The following DOCK3 variants were observed in gnomAD, a reference collection of about 807,000 sequenced individuals.
DOCK3 encodes the protein dedicator of cytokinesis protein 3.
Under a neutral mutation model 265.6 loss-of-function variants are expected in DOCK3, and 60 were observed. The ratio of observed to expected loss-of-function variants is 0.23; its 90% confidence interval spans 0.18 to 0.28. The LOEUF (loss-of-function observed/expected upper bound fraction) is 0.28, where lower values mean the gene tolerates loss of function less well. Ranked by LOEUF, DOCK3 falls within the 10% of genes least tolerant of loss-of-function variation. The pLI is 1.00. For missense variants in DOCK3, 1,981 were observed against 2,594.3 expected (o/e 0.76, Z 5.14); for synonymous variants, 881 against 938.0 (o/e 0.94, Z 1.11).
At position 50,729,322 on chromosome 3, in the gene DOCK3, C is replaced by CA. The variant is rs1271946003; in HGVS notation, c.38-49340dup. Among the ~76,000 whole-genome samples the CA allele has an allele frequency of 7.9e-3, 1,001 of 126,930 alleles. 7 individuals are homozygous for CA. The highest frequency in any genetic ancestry group is 0.023 in the African/African-American group (786 of 34,384). The allele number at this position is 126,930 out of a possible 152,430, so 83.3% of individuals were successfully genotyped here. A position where few individuals can be genotyped will look rare whatever the true frequency, so the allele number is the denominator to read the frequency against. ...AGGCAAAATAGCAAGGACCTGTCTCCAAAAAAAAAAAAAGTTGTTTATTTT... is the reference window on the plus strand; with the variant it reads ...AGGCAAAATAGCAAGGACCTGTCTCCAAAAAAAAAAAAAAGTTGTTTATTTT... On this transcript the variant is annotated intron_variant, in intron 1 of 52. Coordinates refer to ENST00000266037, the MANE Select transcript of DOCK3 (RefSeq NM_004947.5).
In DOCK3 at chr3:51,199,976, G is replaced by A. The variant is rs540478484; in HGVS notation, c.1038-8798G>A. Reference sequence around the variant, plus strand: ...CAACAGACCTGCAGCTGAGGGTCCCGTCTGTTAGAAGGAAAACTAACAAAC... The same window carrying A: ...CAACAGACCTGCAGCTGAGGGTCCCATCTGTTAGAAGGAAAACTAACAAAC... On this transcript the variant is annotated intron_variant, in intron 12 of 52. Transcript: ENST00000266037. Among the ~76,000 whole-genome samples, 194 of 152,246 alleles carry A rather than the reference G, an allele frequency of 1.3e-3. 1 individual carries two copies. The highest frequency in any genetic ancestry group is 3.5e-3 in the East Asian group (18 of 5,170).
chr3:50,966,694 A>C (rs1045202125), intron 5 of DOCK3, among the ~76,000 whole-genome samples: 3 of 152,128 alleles, frequency 2.0e-5, no homozygotes, highest in African/African-American at 7.2e-5. Flanking sequence ...AGTTTGAGGC[A>C]GGAGAATTGC....
chr3:51,107,243 G>T (rs1317266753), intron 9 of DOCK3, among the ~76,000 whole-genome samples: 2 of 152,096 alleles, frequency 1.3e-5, no homozygotes, highest in Non-Finnish European at 2.9e-5. Flanking sequence ...AGGAATATTA[G>T]CCCACAAAGA....
intron 5 of DOCK3, among the ~76,000 whole-genome samples, chr3:51,026,239 GT>G (rs1025505699): frequency 5.3e-5 from 8 of 151,084 alleles, no homozygotes; most frequent in Admixed American, 1.3e-4. Context: ...ATGGTCATAT[GT>G]TTTTTTTTGT....
intron 14 of DOCK3, among the ~76,000 whole-genome samples, chr3:51,217,888 C>A (rs1560226833): frequency 2.0e-5 from 3 of 152,046 alleles, no homozygotes; most frequent in Admixed American, 6.5e-5. Flanking sequence ...GAGGCCAAGG[C>A]AGGCAGATCA....
intron 5 of DOCK3, among the ~76,000 whole-genome samples, chr3:50,975,375 C>T (rs1575654905): frequency 6.6e-6 from 1 of 150,424 alleles, no homozygotes; most frequent in Non-Finnish European, 1.5e-5. Context: ...TGTCAAAGGC[C>T]TTTTCCGCAT....
intron 50 of DOCK3, among the ~76,000 whole-genome samples, chr3:51,375,487 C>T (rs2088034460): frequency 6.6e-6 from 1 of 152,194 alleles, no homozygotes; most frequent in Non-Finnish European, 1.5e-5. Context: ...TTGGGCCCTA[C>T]ATAAGACAGC....
At position 50,840,077 on chromosome 3, in the gene DOCK3, T is replaced by A. The variant is rs1009292717; in HGVS notation, c.122-1598T>A. ...CCACTGTGCCTGGCCGGGCTGTTTA[T>A]TTTCTTATTGAGTTTTAAGAGTTCT... On this transcript the variant is annotated intron_variant, in intron 2 of 52. Coordinates refer to ENST00000266037, the MANE Select transcript of DOCK3 (RefSeq NM_004947.5). Among the ~76,000 whole-genome samples the A allele has an allele frequency of 6.6e-5, 10 of 152,014 alleles. No homozygotes were observed. In the East Asian group the frequency reaches 1.7e-3, roughly 26 times the overall value.
At chr3:50,928,608 G>A (rs73081144) in intron 4 of DOCK3, among the ~76,000 whole-genome samples, 14,361 of 152,088 alleles carry the variant, frequency 0.094, 842 homozygotes, top group Non-Finnish European at 0.12. Flanking sequence ...TGATTCTATT[G>A]CATATTATTG....
At chr3:51,096,772 G>A (rs545545775) in intron 9 of DOCK3, among the ~76,000 whole-genome samples, 24 of 152,272 alleles carry the variant, frequency 1.6e-4, no homozygotes, top group East Asian at 3.9e-4. Context: ...CCTCATCTTC[G>A]TGGATTTATC....
chr3:51,153,158 G>C (rs953351957), intron 10 of DOCK3, among the ~76,000 whole-genome samples: 2 of 152,242 alleles, frequency 1.3e-5, no homozygotes, highest in Non-Finnish European at 2.9e-5. Flanking sequence ...GGCTCTGCCC[G>C]TTGGAGCTTC....
chr3:51,282,784 A>C (rs1336444798), intron 27 of DOCK3, among the ~76,000 whole-genome samples: 1 of 152,186 alleles, frequency 6.6e-6, no homozygotes, highest in Non-Finnish European at 1.5e-5. Context: ...GTCCTTTGCA[A>C]ACTATCCCAA....
chr3:51,049,624 T>C (rs2080912466), intron 5 of DOCK3, among the ~76,000 whole-genome samples: 1 of 152,198 alleles, frequency 6.6e-6, no homozygotes. Flanking sequence ...TTTAGAATTT[T>C]GGAGCATTTT....
intron 24 of DOCK3, among the ~76,000 whole-genome samples, chr3:51,272,745 G>A (rs2080577293): frequency 6.6e-6 from 1 of 151,642 alleles, no homozygotes; most frequent in African/African-American, 2.4e-5. Context: ...TTTTCCACCA[G>A]GAACTGTTTA....
intron 12 of DOCK3, among the ~76,000 whole-genome samples, chr3:51,185,131 A>C (rs1036417760): frequency 2.6e-5 from 4 of 152,226 alleles, no homozygotes; most frequent in Non-Finnish European, 5.9e-5. Context: ...CCTGGATGAG[A>C]TCTTGGAGCA....
At chr3:51,225,891 T>C in intron 15 of DOCK3, 118 bp downstream of exon 15, 1 of 1,327,614 alleles carries the variant, frequency 7.5e-7, no homozygotes, top group Non-Finnish European at 1.0e-6. Context: ...TCAGCCTTTT[T>C]CTCTGCCTTT....
chr3:51,249,199 TG>T (rs1237819069), intron 22 of DOCK3, among the ~76,000 whole-genome samples: 4 of 102,312 alleles, frequency 3.9e-5, no homozygotes, highest in Non-Finnish European at 5.8e-5. Context: ...GGCAGGGAGG[TG>T]GGGGGGTCAG....
At chr3:50,843,665 T>C (rs2045946482) in intron 3 of DOCK3, among the ~76,000 whole-genome samples, 2 of 152,210 alleles carry the variant, frequency 1.3e-5, no homozygotes, top group South Asian at 4.1e-4. Flanking sequence ...ATCAGACTCC[T>C]TTAATTTCAT....
At chr3:51,155,207 A>G (rs2085791473) in intron 10 of DOCK3, among the ~76,000 whole-genome samples, 1 of 151,912 alleles carries the variant, frequency 6.6e-6, no homozygotes, top group South Asian at 2.1e-4. Context: ...TGCTGGCCTC[A>G]AACAACCCTC....
Sources: gnomAD v4.1 joint callset for allele counts (sites outside exome capture counted in the v4.1 genomes callset) on GRCh38, gnomAD v4.1.1 for gene constraint, MANE v1.5 for transcripts, NCBI Gene and HGNC (gene_info 2026-07-23, HGNC 2026-07-21) for gene names.